Variants in PPP1R12B observed in about 807,000 individuals in gnomAD.
The protein encoded by PPP1R12B is myosin phosphatase target subunit 2.
A neutral mutation model predicts 126.1 loss-of-function variants in PPP1R12B; 76 were observed. The observed-to-expected ratio is 0.60, with a 90% confidence interval of 0.50 to 0.73. The LOEUF (loss-of-function observed/expected upper bound fraction) is 0.73. Among genes scored for constraint, PPP1R12B ranks in the 30% least tolerant of loss-of-function variants. PPP1R12B has a pLI of 0.00. For missense variants in PPP1R12B, 1,052 were observed against 1,205.1 expected (o/e 0.87, Z 1.88); for synonymous variants, 356 against 434.7 (o/e 0.82, Z 2.25).
intron 1 of PPP1R12B, among the ~76,000 whole-genome samples, chr1:202,367,763 T>C (rs1449786044): frequency 6.6e-6 from 1 of 152,154 alleles, no homozygotes; most frequent in Non-Finnish European, 1.5e-5. Flanking sequence ...AACTTAAATC[T>C]ACAGTTTGAT....
chr1:202,443,816 G>A (rs995230355), intron 12 of PPP1R12B, among the ~76,000 whole-genome samples: 4 of 152,210 alleles, frequency 2.6e-5, no homozygotes, highest in Non-Finnish European at 4.4e-5. Flanking sequence ...ATTCTGTGGC[G>A]AGGTTGTTGA....
At chr1:202,435,189 C>T (rs577223105) in intron 9 of PPP1R12B, among the ~76,000 whole-genome samples, 92 of 152,274 alleles carry the variant, frequency 6.0e-4, no homozygotes, top group African/African-American at 2.0e-3. Flanking sequence ...CAAATATAGT[C>T]ACATTGGGAA....
intron 18 of PPP1R12B, among the ~76,000 whole-genome samples, chr1:202,543,001 C>CTT (rs905356065): frequency 6.6e-6 from 1 of 151,842 alleles, no homozygotes. Flanking sequence ...AAGTTTGATT[C>CTT]TTTTTTTTGA....
intron 13 of PPP1R12B, among the ~76,000 whole-genome samples, chr1:202,465,420 T>C (rs1674847666): frequency 6.6e-6 from 1 of 152,208 alleles, no homozygotes; most frequent in South Asian, 2.1e-4. Context: ...GAAATATCAC[T>C]TCTGAAAGTG....
At chr1:202,445,312 T>A in intron 12 of PPP1R12B, 6 of 1,104,622 alleles carry the variant, frequency 5.4e-6, no homozygotes, top group Non-Finnish European at 4.6e-6. Context: ...CCAAAGAGAC[T>A]TTATCACTAT....
At chr1:202,357,851 G>A (rs547474120) in intron 1 of PPP1R12B, among the ~76,000 whole-genome samples, 2 of 152,256 alleles carry the variant, frequency 1.3e-5, no homozygotes, top group South Asian at 4.1e-4. Flanking sequence ...TTACTTAGCA[G>A]TAGATACAAT....
chr1:202,548,806 C>CTATATATATATATATA (rs1378767072), intron 18 of PPP1R12B, among the ~76,000 whole-genome samples: 2 of 76,402 alleles, frequency 2.6e-5, no homozygotes, highest in Non-Finnish European at 5.6e-5. Flanking sequence ...CTCTCTCTCT[C>CTATATATATATATATA]TCTATATATA....
chr1:202,375,078 G>A (rs1325390921), intron 1 of PPP1R12B, among the ~76,000 whole-genome samples: 1 of 152,156 alleles, frequency 6.6e-6, no homozygotes, highest in Non-Finnish European at 1.5e-5. Flanking sequence ...GAGTAGCTGG[G>A]ATTACAGGCA....
intron 10 of PPP1R12B, chr1:202,439,039 C>T: frequency 7.2e-7 from 1 of 1,383,390 alleles, no homozygotes; most frequent in Middle Eastern, 1.8e-4. Context: ...AGTGGGCGGA[C>T]TTCATCCTGG....
At position 202,582,133 on chromosome 1, in the gene PPP1R12B, G is replaced by A. The variant is rs925938756; in HGVS notation, c.*1573G>A. The A allele has an allele frequency of 2.6e-5, 4 of 152,092 alleles. No homozygotes were observed. Among genetic ancestry groups the A allele is most frequent in the African/African-American group, 9.7e-5 (4 of 41,394 alleles). 9.4% of individuals were successfully genotyped at this position (152,092 alleles called of 1,614,324 possible). ...ATCTACTATCTGCAACTCTTTAACG[G>A]CACTTGAGATATGTGCAGTGGGTGG... is the stretch of plus-strand genomic sequence containing the variant. On this transcript the variant is annotated 3_prime_UTR_variant, in exon 24 of 24. Coordinates refer to ENST00000608999, the MANE Select transcript of PPP1R12B (RefSeq NM_002481.4).
chr1:202,362,614 T>C (rs1332689734), intron 1 of PPP1R12B, among the ~76,000 whole-genome samples: 1 of 151,422 alleles, frequency 6.6e-6, no homozygotes, highest in African/African-American at 2.4e-5. Context: ...GCTCTGTGTG[T>C]GCTATAGCCA....
At chr1:202,533,289 A>G (rs1000880993) in intron 18 of PPP1R12B, among the ~76,000 whole-genome samples, 1 of 148,790 alleles carries the variant, frequency 6.7e-6, no homozygotes, top group Non-Finnish European at 1.5e-5. Context: ...TTTTGGGGGT[A>G]TTTTGTTTTG....
chr1:202,374,122 A>G (rs1014105984), intron 1 of PPP1R12B, among the ~76,000 whole-genome samples: 2 of 152,092 alleles, frequency 1.3e-5, no homozygotes, highest in African/African-American at 4.8e-5. Flanking sequence ...TTTTCTCCTG[A>G]GCTTTATAAC....
chr1:202,501,338 A>G (rs959919887), intron 18 of PPP1R12B, among the ~76,000 whole-genome samples: 6 of 152,182 alleles, frequency 3.9e-5, no homozygotes, highest in South Asian at 2.1e-4. Context: ...GGATATTTCT[A>G]TCTTTTTTTA....
chr1:202,469,422 A>C (rs1399992609), intron 13 of PPP1R12B, among the ~76,000 whole-genome samples: 1 of 152,166 alleles, frequency 6.6e-6, no homozygotes, highest in African/African-American at 2.4e-5. Flanking sequence ...GTGATGAAAT[A>C]ATCTGTACAA....
intron 1 of PPP1R12B, among the ~76,000 whole-genome samples, chr1:202,393,432 G>A (rs1020484005): frequency 4.7e-5 from 7 of 150,258 alleles, no homozygotes; most frequent in Non-Finnish European, 8.9e-5. Context: ...TTAAAAATTA[G>A]TTCTTTTTTT....
chr1:202,376,801 A>G (rs1174341090), intron 1 of PPP1R12B, among the ~76,000 whole-genome samples: 2 of 152,054 alleles, frequency 1.3e-5, no homozygotes, highest in Non-Finnish European at 2.9e-5. Flanking sequence ...ATCAGAGACA[A>G]TTTTTTTCAA....
chr1:202,424,001 T>G (rs1426404963), intron 3 of PPP1R12B, among the ~76,000 whole-genome samples: 1 of 152,106 alleles, frequency 6.6e-6, no homozygotes, highest in Non-Finnish European at 1.5e-5. Flanking sequence ...GCTATTGAAT[T>G]GAAGAATTTT....
chr1:202,531,395 A>G (rs1683933998), intron 18 of PPP1R12B, among the ~76,000 whole-genome samples: 1 of 152,158 alleles, frequency 6.6e-6, no homozygotes, highest in East Asian at 1.9e-4. Flanking sequence ...TTTTAACAGT[A>G]TGGAGATCTT....
Sources: allele counts gnomAD v4.1 joint callset (sites outside exome capture counted in the v4.1 genomes callset), GRCh38; gene constraint gnomAD v4.1.1; transcripts MANE v1.5; gene names NCBI Gene and HGNC (gene_info 2026-07-23, HGNC 2026-07-21).